The following KLHL31 variants were observed in gnomAD, a reference collection of about 807,000 sequenced individuals.
KLHL31 encodes the protein kelch like family member 31, also known as kelch-like protein 31.
KLHL31 carries 32 observed loss-of-function variants against 47.1 expected under a neutral mutation model. The ratio of observed to expected loss-of-function variants is 0.68; its 90% CI spans 0.51 to 0.91. The LOEUF (loss-of-function observed/expected upper bound fraction) is 0.91, where lower values mean the gene tolerates loss of function less well. KLHL31 is among the 40% of genes least tolerant of loss of function. The probability of loss-of-function intolerance (pLI) is 0.00; values close to 1 mark genes in which losing one functional copy is unlikely to be tolerated. For synonymous variants in KLHL31, 330 were observed against 325.1 expected (o/e 1.01, Z -0.16); for missense variants, 797 against 819.3 (o/e 0.97, Z 0.33).
At chr6:53,657,651 TG>T (rs1463742995) in intron 1 of KLHL31, among the ~76,000 whole-genome samples, 3 of 151,234 alleles carry the variant, frequency 2.0e-5, no homozygotes, top group Non-Finnish European at 4.4e-5. Flanking sequence ...TGTGTGTGTG[TG>T]TGTTTTAAAT....
At chr6:53,663,960 A>G (rs1411514469) in intron 1 of KLHL31, among the ~76,000 whole-genome samples, 4 of 152,238 alleles carry the variant, frequency 2.6e-5, no homozygotes, top group Non-Finnish European at 5.9e-5. Flanking sequence ...TTTTGCTTCT[A>G]TAATTTTGCA....
chr6:53,663,045 G>A (rs1171672920), intron 1 of KLHL31, among the ~76,000 whole-genome samples: 1 of 152,064 alleles, frequency 6.6e-6, no homozygotes, highest in Non-Finnish European at 1.5e-5. Context: ...GTTATATTAT[G>A]TTCATTTTAC....
chr6:53,655,613 T>C (rs1764549820), intron 1 of KLHL31, among the ~76,000 whole-genome samples: 1 of 149,194 alleles, frequency 6.7e-6, no homozygotes, highest in African/African-American at 2.5e-5. Context: ...TTTTTTCTTT[T>C]TTTTTTTTTT....
rs1282060278 is a variant in KLHL31, at chr6:53,650,179, T to C, written c.*1419A>G. On this transcript the variant is annotated 3_prime_UTR_variant, in exon 3 of 3. Transcript: ENST00000370905. Reference sequence around the variant, plus strand: ...AAATAGCTTGTTTTATTTTTCAAAATCCAATTGCACATAACCCATAATTGA... The same window carrying C: ...AAATAGCTTGTTTTATTTTTCAAAACCCAATTGCACATAACCCATAATTGA... 2 of 152,166 alleles carry C rather than the reference T, an allele frequency of 1.3e-5. No homozygotes were observed. Among genetic ancestry groups the C allele is most frequent in the African/African-American group, 4.8e-5 (2 of 41,450 alleles). 9.4% of individuals were successfully genotyped at this position (152,166 alleles called of 1,614,324 possible).
In KLHL31 at chr6:53,654,540, G is replaced by T; in HGVS notation, c.733C>A (p.Gln245Lys). The change falls in exon 2 of 3, where the codon CAA becomes AAA. Residue 245 changes from glutamine to lysine, a missense_variant. Coordinates refer to ENST00000370905, the MANE Select transcript of KLHL31 (RefSeq NM_001003760.5). ...TCTGCAGCGTATTTTACTCTCTTTTGGTCAAATTCTAACCATTTCATTGCA... is the reference window on the plus strand; with the variant it reads ...TCTGCAGCGTATTTTACTCTCTTTTTGTCAAATTCTAACCATTTCATTGCA... The part of the protein sequence containing the change: ...QIAMKWLEFD[Q>K]KRVKYAADLL... 1 of 1,614,050 alleles carries T rather than the reference G, an allele frequency of 6.2e-7. No individual in the cohort carries two copies. Among genetic ancestry groups the T allele is most frequent in the Non-Finnish European group, 8.5e-7 (1 of 1,180,010 alleles).
chr6:53,656,250 T>A (rs1764559383), intron 1 of KLHL31, among the ~76,000 whole-genome samples: 1 of 152,210 alleles, frequency 6.6e-6, no homozygotes, highest in Admixed American at 6.5e-5. Context: ...AGTTGCTACC[T>A]CTATAAGATA....
intron 1 of KLHL31, among the ~76,000 whole-genome samples, chr6:53,662,282 A>G (rs1764658518): frequency 6.6e-6 from 1 of 152,132 alleles, no homozygotes; most frequent in African/African-American, 2.4e-5. Flanking sequence ...ACCTTTTGGG[A>G]TCAAAGGAAG....
In KLHL31 at chr6:53,664,235, C is replaced by G. The variant is rs546603271; in HGVS notation, c.-34+1366G>C. Among the ~76,000 whole-genome samples, 349 of 152,260 alleles carry G rather than the reference C, an allele frequency of 2.3e-3. 3 individuals are homozygous for G. Among genetic ancestry groups the G allele is most frequent in the African/African-American group, 8.1e-3 (337 of 41,556 alleles). On this transcript the variant is annotated intron_variant, in intron 1 of 2. Coordinates refer to ENST00000370905, the MANE Select transcript of KLHL31 (RefSeq NM_001003760.5). ...ATCATACTTTAGTATAAGTATGTCC[C>G]AGGCAGTGTTGAGGACATACTTATG... is the stretch of plus-strand genomic sequence containing the variant.
chr6:53,654,479 G>A lies in KLHL31; in HGVS notation c.794C>T (p.Ala265Val). ...LSNIRFGTIS[A>V]QDLVNYVQSV... ...TTGAACATAATTGACCAGGTCTTGT[G>A]CAGAGATGGTACCAAAGCGAATATT... is the stretch of plus-strand genomic sequence containing the variant. The change falls in exon 2 of 3, where the codon GCA becomes GTA. Residue 265 changes from alanine to valine, a missense_variant. Coordinates refer to ENST00000370905, the MANE Select transcript of KLHL31 (RefSeq NM_001003760.5). 1 of 1,614,172 alleles carries A rather than the reference G, an allele frequency of 6.2e-7. No individual in the cohort carries two copies. Among genetic ancestry groups the A allele is most frequent in the Non-Finnish European group, 8.5e-7 (1 of 1,180,024 alleles).
rs774406630 is a variant in KLHL31 at position 53,654,471 on chromosome 6, G to C, written c.802C>G (p.Leu268Val). Residue 268 changes from leucine (L) to valine (V), a missense_variant, in exon 2 of 3, where the codon CTG becomes GTG. Physicochemically the swap from Leu to Val is conservative, Grantham distance 32. Coordinates refer to ENST00000370905, the MANE Select transcript of KLHL31 (RefSeq NM_001003760.5). ...GGTACGGATTGAACATAATTGACCA[G>C]GTCTTGTGCAGAGATGGTACCAAAG... ...IRFGTISAQD[L>V]VNYVQSVPRM... 2 of 1,614,144 alleles carry C rather than the reference G, an allele frequency of 1.2e-6. No homozygotes were observed. The highest frequency in any genetic ancestry group is 8.5e-7 in the Non-Finnish European group (1 of 1,179,996).
At chr6:53,663,414 A>G (rs1764675698) in intron 1 of KLHL31, among the ~76,000 whole-genome samples, 1 of 152,246 alleles carries the variant, frequency 6.6e-6, no homozygotes, top group Non-Finnish European at 1.5e-5. Flanking sequence ...TATCCTATTA[A>G]GGGTAGTAAG....
chr6:53,656,931 C>CTTTTTTTTTTTT (rs10665063), intron 1 of KLHL31, among the ~76,000 whole-genome samples: 19 of 98,430 alleles, frequency 1.9e-4, no homozygotes, highest in Non-Finnish European at 2.6e-4. Context: ...GTATTTTTAA[C>CTTTTTTTTTTTT]TTTTTTTTTT....
intron 2 of KLHL31, among the ~76,000 whole-genome samples, chr6:53,652,687 T>C (rs1379546345): frequency 2.0e-5 from 3 of 152,092 alleles, no homozygotes. Flanking sequence ...GATGTGCACA[T>C]GGGGGAGGCT....
At position 53,655,092 on chromosome 6, in the gene KLHL31, C is replaced by G; in HGVS notation, c.181G>C (p.Glu61Gln). ...TCCTGCCGCATTTTACTTAAACCTT[C>G]CAAGAGGTTGGGGCCATAAGAAGCA... ...TDASYGPNLLEGLSKMRQENF... is the reference protein window; with the variant it reads ...TDASYGPNLLQGLSKMRQENF... Residue 61 changes from glutamate to glutamine, a missense_variant, in exon 2 of 3, where the codon GAA becomes CAA. Glu to Gln is a conservative substitution (Grantham distance 29, BLOSUM62 2). Coordinates refer to ENST00000370905, the MANE Select transcript of KLHL31 (RefSeq NM_001003760.5). The G allele has an allele frequency of 6.2e-7, 1 of 1,614,062 alleles. No individual in the cohort carries two copies. The highest frequency in any genetic ancestry group is 8.5e-7 in the Non-Finnish European group (1 of 1,179,992).
chr6:53,656,145 C>A (rs536314565), intron 1 of KLHL31, among the ~76,000 whole-genome samples: 71 of 108,548 alleles, frequency 6.5e-4, no homozygotes, highest in Middle Eastern at 4.7e-3. Flanking sequence ...TTTAGTGAGA[C>A]ACATATAAGT....
intron 1 of KLHL31, 57 bp from the exon 2 acceptor site, chr6:53,655,362 A>G: frequency 2.5e-6 from 2 of 812,238 alleles, no homozygotes; most frequent in East Asian, 2.7e-5. Context: ...AGACTTTGAA[A>G]TACTACATTG....
Position 53,652,234 on chromosome 6 carries a change from G to T in KLHL31, c.1269C>A (p.Ala423=). ...SLSVFNGLVY[A]AGGRNAEGSL... ...TTCCTTCTGCGTTGCGGCCGCCCGC[G>T]GCGTACACGAGCCCGTTGAACACGC... The change falls in exon 3 of 3, where the codon GCC becomes GCA. Residue 423 remains alanine, a synonymous_variant. Coordinates refer to ENST00000370905, the MANE Select transcript of KLHL31 (RefSeq NM_001003760.5). The T allele has an allele frequency of 6.2e-7, 1 of 1,613,936 alleles. No homozygotes were observed. Among genetic ancestry groups the T allele is most frequent in the Non-Finnish European group, 8.5e-7 (1 of 1,180,032 alleles).
chr6:53,654,269 T>C lies in KLHL31; in HGVS notation c.1004A>G (p.Asp335Gly). Residue 335 changes from aspartate to glycine, a missense_variant, in exon 2 of 3, where the codon GAC (aspartate) becomes GGC (glycine). Coordinates refer to ENST00000370905, the MANE Select transcript of KLHL31 (RefSeq NM_001003760.5). ...ATTTTCAGGGTCTCTATACAAGATG[T>C]CTCTGCTAAGGGACTTCTCAGTAAG... ...PGLTEKSLSR[D>G]ILYRDPENGW... The C allele has an allele frequency of 6.2e-7, 1 of 1,614,174 alleles. No individual in the cohort carries two copies. The highest frequency in any genetic ancestry group is 8.5e-7 in the Non-Finnish European group (1 of 1,180,024).
chr6:53,665,611 T>C lies in KLHL31; in HGVS notation c.-44A>G, dbSNP rs1764707541. On this transcript the variant is annotated 5_prime_UTR_variant, in exon 1 of 3. Transcript: ENST00000370905. ...GTCCCAGCTCCTTACCCTCCTTGGGTGAAGTGGCAGGTCAACTTGAGATGA... is the reference window on the plus strand; with the variant it reads ...GTCCCAGCTCCTTACCCTCCTTGGGCGAAGTGGCAGGTCAACTTGAGATGA... 1 of 152,090 alleles carries C rather than the reference T, an allele frequency of 6.6e-6. No homozygotes were observed. Among genetic ancestry groups the C allele is most frequent in the Non-Finnish European group, 1.5e-5 (1 of 68,082 alleles). 9.4% of individuals were successfully genotyped at this position (152,090 alleles called of 1,614,324 possible). A position where few individuals can be genotyped will look rare whatever the true frequency, so the allele number is the denominator to read the frequency against.
Sources: allele counts gnomAD v4.1 joint callset (sites outside exome capture counted in the v4.1 genomes callset), GRCh38; gene constraint gnomAD v4.1.1; transcripts MANE v1.5; gene names NCBI Gene and HGNC (gene_info 2026-07-23, HGNC 2026-07-21).